FOXK2: variants seen among roughly 807,000 people sequenced by gnomAD.
FOXK2 encodes the protein forkhead box protein K2.
In FOXK2, 24 loss-of-function variants were observed where a neutral mutation model predicts 53.3. The ratio of observed to expected loss-of-function variants is 0.45; its 90% CI spans 0.33 to 0.63. FOXK2 has a LOEUF of 0.63. Among genes scored for constraint, FOXK2 ranks in the 30% least tolerant of loss-of-function variants. FOXK2 has a pLI of 0.03. For synonymous variants in FOXK2, 505 were observed against 407.1 expected, an observed-to-expected ratio of 1.24 and a Z score of -2.89; for missense variants, 952 against 910.5, an observed-to-expected ratio of 1.05 and a Z score of -0.59.
At chr17:82,572,961 C>T (rs1369834997) in intron 4 of FOXK2, among the ~76,000 whole-genome samples, 1 of 152,088 alleles carries the variant, frequency 6.6e-6, no homozygotes, top group Non-Finnish European at 1.5e-5. Context: ...AGAGCCGAGG[C>T]AGGTGGATCG....
At chr17:82,590,894 G>C (rs2045247065) in intron 8 of FOXK2, among the ~76,000 whole-genome samples, 1 of 152,176 alleles carries the variant, frequency 6.6e-6, no homozygotes, top group South Asian at 2.1e-4. Flanking sequence ...GGTACCAGAG[G>C]GCTCAGCACC....
At chr17:82,520,684 G>C (rs2044352466) in intron 1 of FOXK2, among the ~76,000 whole-genome samples, 1 of 152,324 alleles carries the variant, frequency 6.6e-6, no homozygotes, top group East Asian at 1.9e-4. Flanking sequence ...TGCGGTGGGA[G>C]GAACTGCCCC....
intron 3 of FOXK2, among the ~76,000 whole-genome samples, chr17:82,570,007 G>A (rs544796685): frequency 2.0e-5 from 3 of 152,248 alleles, no homozygotes; most frequent in East Asian, 3.9e-4. Context: ...CGGATCACGA[G>A]GTCAGGAGAT....
intron 8 of FOXK2, among the ~76,000 whole-genome samples, chr17:82,591,703 T>C (rs943755788): frequency 6.6e-6 from 1 of 152,138 alleles, no homozygotes; most frequent in African/African-American, 2.4e-5. Flanking sequence ...GCATATTCAC[T>C]TCCTCCCATC....
At chr17:82,561,154 C>T (rs962613030) in intron 1 of FOXK2, among the ~76,000 whole-genome samples, 7 of 152,052 alleles carry the variant, frequency 4.6e-5, no homozygotes, top group African/African-American at 7.2e-5. Flanking sequence ...TCATGATGGG[C>T]GCGTTTTGAA....
chr17:82,548,874 C>T (rs769245055), intron 1 of FOXK2, among the ~76,000 whole-genome samples: 1 of 152,074 alleles, frequency 6.6e-6, no homozygotes, highest in Non-Finnish European at 1.5e-5. Flanking sequence ...TTCTCACCTC[C>T]GAGGAGCGGT....
At chr17:82,549,891 A>G (rs1438809739) in intron 1 of FOXK2, among the ~76,000 whole-genome samples, 1 of 152,208 alleles carries the variant, frequency 6.6e-6, no homozygotes, top group Non-Finnish European at 1.5e-5. Context: ...GAATGAAAAC[A>G]TGGGACCTGT....
At chr17:82,557,486 T>C (rs1369106119) in intron 1 of FOXK2, among the ~76,000 whole-genome samples, 7 of 151,466 alleles carry the variant, frequency 4.6e-5, no homozygotes, top group Admixed American at 3.9e-4. Flanking sequence ...TGGGATTACA[T>C]GCGCGTGCCA....
At chr17:82,526,778 C>T (rs1444908249) in intron 1 of FOXK2, among the ~76,000 whole-genome samples, 1 of 151,396 alleles carries the variant, frequency 6.6e-6, no homozygotes, top group East Asian at 1.9e-4. Context: ...TTGCAGTGAG[C>T]CGAGATCGCG....
At chr17:82,532,504 T>G (rs552393650) in intron 1 of FOXK2, among the ~76,000 whole-genome samples, 1 of 151,024 alleles carries the variant, frequency 6.6e-6, no homozygotes, top group East Asian at 2.0e-4. Context: ...AATAATTTAT[T>G]AGTCTTAACA....
chr17:82,586,519 G>A (rs1299432643), intron 7 of FOXK2, among the ~76,000 whole-genome samples: 6 of 129,992 alleles, frequency 4.6e-5, no homozygotes, highest in African/African-American at 1.6e-4. Context: ...AAGGAGGAGA[G>A]GGGAGACCAC....
intron 4 of FOXK2, among the ~76,000 whole-genome samples, chr17:82,577,825 C>G (rs966566579): frequency 2.6e-5 from 4 of 152,118 alleles, no homozygotes; most frequent in Non-Finnish European, 5.9e-5. Context: ...GCAACCTTTG[C>G]CTCCTGGGTT....
At chr17:82,553,475 G>A (rs1012743214) in intron 1 of FOXK2, among the ~76,000 whole-genome samples, 1 of 152,256 alleles carries the variant, frequency 6.6e-6, no homozygotes, top group African/African-American at 2.4e-5. Flanking sequence ...CCCTGGCCTT[G>A]TCTCCTCTGC....
intron 2 of FOXK2, among the ~76,000 whole-genome samples, chr17:82,564,378 G>GT (rs199576505): frequency 1.2e-3 from 164 of 134,430 alleles, no homozygotes; most frequent in Admixed American, 3.9e-3. Context: ...CAGCTGGCTG[G>GT]TTTTTTTTTG....
In FOXK2 at chr17:82,547,587, TATATTA is replaced by T. The variant is rs2044638687; in HGVS notation, c.420-15762_420-15757del. ...GCAATACTGTAATATAATTTATACA[TATATTA>T]ATATATTGTTGCCAGCTTATTTTTA... On this transcript the variant is annotated intron_variant, in intron 1 of 8. Transcript: ENST00000335255. Among the ~76,000 whole-genome samples the T allele has an allele frequency of 2.0e-5, 3 of 152,324 alleles. No individual in the cohort carries two copies. The South Asian group carries it at 6.2e-4, about 32-fold the overall frequency.
intron 1 of FOXK2, among the ~76,000 whole-genome samples, chr17:82,531,683 AAAT>A (rs1031687075): frequency 1.3e-5 from 2 of 152,172 alleles, no homozygotes; most frequent in African/African-American, 2.4e-5. Context: ...GGCACAGTAA[AAAT>A]AAGGTACAAA....
rs148864801 is a variant in FOXK2, at chr17:82,532,859, C to T, written c.419+12552C>T. Among the ~76,000 whole-genome samples the T allele has an allele frequency of 3.7e-3, 561 of 152,304 alleles. 3 individuals are homozygous for T. Among genetic ancestry groups the T allele is most frequent in the African/African-American group, 0.012 (491 of 41,560 alleles). On this transcript the variant is annotated intron_variant, in intron 1 of 8. Transcript: ENST00000335255. ...CTGGGATTACAGGTGTGAGCCACCGCGCCTGACCACAAAAATATTTTTGTA... is the reference window on the plus strand; with the variant it reads ...CTGGGATTACAGGTGTGAGCCACCGTGCCTGACCACAAAAATATTTTTGTA...
At chr17:82,571,993 G>T (rs2044923881) in intron 4 of FOXK2, 123 bp downstream of exon 4, 4 of 943,610 alleles carry the variant, frequency 4.2e-6, no homozygotes, top group South Asian at 2.2e-5. Context: ...AGCCTCCCGT[G>T]CTGAGAGGAA....
Sources: gnomAD v4.1 joint callset for allele counts (sites outside exome capture counted in the v4.1 genomes callset) on GRCh38, gnomAD v4.1.1 for gene constraint, MANE v1.5 for transcripts, NCBI Gene and HGNC (gene_info 2026-07-23, HGNC 2026-07-21) for gene names.